KCNQ4: variants seen among roughly 807,000 people sequenced by gnomAD.
The protein encoded by KCNQ4 is potassium voltage-gated channel subfamily KQT member 4.
In KCNQ4, 31 loss-of-function variants were observed where a neutral mutation model predicts 72.6. That is an observed-to-expected ratio of 0.43 (90% CI 0.32 to 0.58). KCNQ4 has a LOEUF of 0.58. KCNQ4 is among the 20% of genes least tolerant of loss of function. The pLI is 0.08. For missense variants in KCNQ4, 869 were observed against 962.6 expected, an observed-to-expected ratio of 0.90 and a Z score of 1.29; for synonymous variants, 405 against 403.7, an observed-to-expected ratio of 1.00 and a Z score of -0.04.
At position 40,838,531 on chromosome 1, in the gene KCNQ4, C is replaced by T; in HGVS notation, c.*8C>T. 6.2e-7 allele frequency: 1 copy of T among 1,613,652 alleles called. No homozygotes were observed. The highest frequency in any genetic ancestry group is 1.1e-5 in the South Asian group (1 of 91,084). On this transcript the variant is annotated 3_prime_UTR_variant, in exon 14 of 14. Transcript: ENST00000347132. The stretch of plus-strand genomic sequence containing the variant: ...AGCACCAACATGGACTGAGGGACTT[C>T]TCAGAGGCAGGGCAGCACACGGCCA...
chr1:40,825,994 G>T (rs954572434), intron 9 of KCNQ4, among the ~76,000 whole-genome samples: 1 of 152,180 alleles, frequency 6.6e-6, no homozygotes, highest in African/African-American at 2.4e-5. Context: ...TGGGACACAG[G>T]GTGATGGTAG....
intron 7 of KCNQ4, among the ~76,000 whole-genome samples, chr1:40,820,553 A>G (rs1043941610): frequency 6.6e-6 from 1 of 152,252 alleles, no homozygotes; most frequent in Non-Finnish European, 1.5e-5. Flanking sequence ...CGGAGCCCAG[A>G]CAGGAGCTGG....
intron 1 of KCNQ4, among the ~76,000 whole-genome samples, chr1:40,793,010 T>TTC (rs1553165684): frequency 6.9e-6 from 1 of 144,434 alleles, no homozygotes; most frequent in Non-Finnish European, 1.5e-5. Context: ...CTTTCTTTTT[T>TTC]TTTTTTTTTT....
At chr1:40,828,647 G>A (rs574952515) in intron 9 of KCNQ4, among the ~76,000 whole-genome samples, 7 of 152,256 alleles carry the variant, frequency 4.6e-5, no homozygotes, top group South Asian at 2.1e-4. Flanking sequence ...GGTAAAGACC[G>A]CCCACCACAC....
intron 8 of KCNQ4, among the ~76,000 whole-genome samples, chr1:40,822,651 G>A (rs531930340): frequency 3.3e-5 from 5 of 152,322 alleles, no homozygotes; most frequent in South Asian, 4.1e-4. Context: ...GCTGAACCCC[G>A]GCCCTGGAGT....
intron 7 of KCNQ4, among the ~76,000 whole-genome samples, chr1:40,821,250 G>A (rs537818551): frequency 6.2e-4 from 94 of 152,304 alleles, no homozygotes; most frequent in Admixed American, 1.6e-3. Context: ...AGCTCTGGCA[G>A]CTGCTCCCCA....
chr1:40,819,620 C>G (rs35493687), intron 5 of KCNQ4, 148 bp downstream of exon 5: 1 of 1,051,862 alleles, frequency 9.5e-7, no homozygotes, highest in East Asian at 2.5e-5. Context: ...GAGACCAGCC[C>G]CAATGCTAAC....
chr1:40,802,036 C>T (rs1333643889), intron 1 of KCNQ4, among the ~76,000 whole-genome samples: 1 of 152,122 alleles, frequency 6.6e-6, no homozygotes, highest in Non-Finnish European at 1.5e-5. Context: ...GGGCTTGGGA[C>T]TCAATATTAT....
rs1335947515 is a variant in KCNQ4, at chr1:40,831,079, G to A, written c.1293-5G>A. 6.3e-7 allele frequency: 1 copy of A among 1,575,248 alleles called. No homozygotes were observed. Among genetic ancestry groups the A allele is most frequent in the East Asian group, 2.3e-5 (1 of 42,704 alleles). ...GGCTCTCTCCCAACCTGCCTGCCCT[G>A]CCAGCAGCCGGATGGGCATCAAAGA... On this transcript the variant is annotated splice_region_variant and splice_polypyrimidine_tract_variant and intron_variant, in intron 9 of 13. Transcript: ENST00000347132.
At position 40,788,875 on chromosome 1, in the gene KCNQ4, C is replaced by T. The variant is rs1647231182; in HGVS notation, c.314+4468C>T. The stretch of plus-strand genomic sequence containing the variant: ...TCTGAATGTCTCACACATGCACTCA[C>T]TGCAACATCGACACACATGCACAAA... On this transcript the variant is annotated intron_variant, in intron 1 of 13. Coordinates refer to ENST00000347132, the MANE Select transcript of KCNQ4 (RefSeq NM_004700.4). The surrounding 1 kb of genome is among the most constrained non-coding windows in gnomAD (Gnocchi z 4.5). 6.6e-6 allele frequency among the ~76,000 whole-genome samples: 1 copy of T among 152,242 alleles called. No individual in the cohort carries two copies. Among genetic ancestry groups the T allele is most frequent in the African/African-American group, 2.4e-5 (1 of 41,468 alleles).
intron 1 of KCNQ4, among the ~76,000 whole-genome samples, chr1:40,785,962 G>T (rs1242833522): frequency 6.6e-6 from 1 of 152,178 alleles, no homozygotes; most frequent in African/African-American, 2.4e-5. Flanking sequence ...CTCAGGACAT[G>T]AGGTCAAGCT....
intron 8 of KCNQ4, among the ~76,000 whole-genome samples, chr1:40,823,490 G>A (rs1648370776): frequency 6.6e-6 from 1 of 152,210 alleles, no homozygotes; most frequent in South Asian, 2.1e-4. Flanking sequence ...CTAGTCTGGA[G>A]ATTCTGGATC....
intron 1 of KCNQ4, among the ~76,000 whole-genome samples, chr1:40,812,830 T>C (rs1166898467): frequency 6.6e-6 from 1 of 152,184 alleles, no homozygotes; most frequent in Non-Finnish European, 1.5e-5. Flanking sequence ...CATGGTGTTT[T>C]GATGTTTGGT....
At chr1:40,797,270 T>G (rs1054041350) in intron 1 of KCNQ4, among the ~76,000 whole-genome samples, 2 of 152,186 alleles carry the variant, frequency 1.3e-5, no homozygotes, top group African/African-American at 4.8e-5. Context: ...CTGGGAAGGC[T>G]TCCCAGAGGA....
At chr1:40,805,641 A>G (rs958128321) in intron 1 of KCNQ4, among the ~76,000 whole-genome samples, 14 of 151,878 alleles carry the variant, frequency 9.2e-5, no homozygotes, top group Admixed American at 4.6e-4. Flanking sequence ...TGGGGAGGGG[A>G]AAAGAGCGCG....
At chr1:40,830,130 G>T (rs543533515) in intron 9 of KCNQ4, among the ~76,000 whole-genome samples, 1 of 152,180 alleles carries the variant, frequency 6.6e-6, no homozygotes, top group Non-Finnish European at 1.5e-5. Context: ...GGCAGTATCG[G>T]GGGGTAGATC....
Position 40,788,124 on chromosome 1 carries a change from C to T in KCNQ4, c.314+3717C>T, listed in dbSNP as rs919596225. Among the ~76,000 whole-genome samples the T allele has an allele frequency of 2.0e-5, 3 of 152,148 alleles. No individual in the cohort carries two copies. Among genetic ancestry groups the T allele is most frequent in the African/African-American group, 7.2e-5 (3 of 41,424 alleles). On this transcript the variant is annotated intron_variant, in intron 1 of 13. Coordinates refer to ENST00000347132, the MANE Select transcript of KCNQ4 (RefSeq NM_004700.4). This position sits in a 1 kb window ranked among gnomAD's most constrained non-coding sequence, Gnocchi z 4.5. ...CCGAGCCCCCGACCTCCCACCCCGG[C>T]CATCTGAGAAAGAACATCGCCTGGG...
intron 1 of KCNQ4, among the ~76,000 whole-genome samples, chr1:40,797,219 C>T (rs889299721): frequency 1.3e-5 from 2 of 152,182 alleles, no homozygotes; most frequent in Non-Finnish European, 2.9e-5. Flanking sequence ...CCAGTGGGAG[C>T]CCAGCACAGA....
rs1165663726 is a variant in KCNQ4, at chr1:40,838,491, A to G, written c.2056A>G (p.Ile686Val). Residue 686 changes from isoleucine to valine, a missense_variant, in exon 14 of 14, where the codon ATC becomes GTC. Physicochemically the swap from Ile to Val is conservative, Grantham distance 29. Coordinates refer to ENST00000347132, the MANE Select transcript of KCNQ4 (RefSeq NM_004700.4). ...DISVSAQTLS[I>V]SRSVSTNMD The stretch of plus-strand genomic sequence containing the variant: ...CTCCGTCTCCGCACAGACGCTCAGC[A>G]TCTCCCGCTCGGTCAGCACCAACAT... The G allele has an allele frequency of 1.2e-6, 2 of 1,614,126 alleles. No individual in the cohort carries two copies. Among genetic ancestry groups the G allele is most frequent in the Non-Finnish European group, 8.5e-7 (1 of 1,179,960 alleles).
Sources: allele counts gnomAD v4.1 joint callset (sites outside exome capture counted in the v4.1 genomes callset), GRCh38; gene constraint gnomAD v4.1.1; non-coding constraint Gnocchi (gnomAD v3.1); transcripts MANE v1.5; gene names NCBI Gene and HGNC (gene_info 2026-07-23, HGNC 2026-07-21).